SLC4A11: variants seen among roughly 807,000 people sequenced by gnomAD.
SLC4A11 encodes the protein bicarbonate transporter related protein 1.
SLC4A11 carries 74 observed loss-of-function variants against 95.0 expected under a neutral mutation model. That is an observed-to-expected ratio of 0.78 (90% confidence interval 0.65 to 0.95). The LOEUF (loss-of-function observed/expected upper bound fraction) is 0.95. SLC4A11 is among the 40% of genes least tolerant of loss of function. SLC4A11 has a pLI of 0.00. For synonymous variants in SLC4A11, 548 were observed against 519.0 expected, an observed-to-expected ratio of 1.06 and a Z score of -0.76; for missense variants, 1,081 against 1,192.4, an observed-to-expected ratio of 0.91 and a Z score of 1.38.
intron 19 of SLC4A11, 106 bp downstream of exon 19, chr20:3,228,153 C>CCCAAA: frequency 9.8e-7 from 1 of 1,017,544 alleles, no homozygotes; most frequent in Non-Finnish European, 1.5e-6. Flanking sequence ...CCAACCCGCC[C>CCCAAA]ATTCTCCGCC....
rs957260205 is a variant in SLC4A11, at chr20:3,234,243, G to C, written c.363C>G (p.Ala121=). ...HRDLDGFLAQ[A]SIVLNETATS... ...TGGCCGTCTCGTTCAGGACGATGCT[G>C]GCCTGCGCCAGGAAGCCATCTAGGT... is the stretch of plus-strand genomic sequence containing the variant. Residue 121 remains alanine, a synonymous_variant, in exon 5 of 20, where the codon GCC becomes GCG. Coordinates refer to ENST00000642402, the MANE Select transcript of SLC4A11 (RefSeq NM_001174089.2). This position sits in a 1 kb window ranked among gnomAD's most constrained non-coding sequence, Gnocchi z 5.8. 1.2e-6 allele frequency: 2 copies of C among 1,614,088 alleles called. No homozygotes were observed. The highest frequency in any genetic ancestry group is 2.7e-5 in the African/African-American group (2 of 75,054).
chr20:3,235,032 G>A (rs1192299224), intron 2 of SLC4A11, 138 bp from the exon 3 acceptor site: 1 of 1,019,538 alleles, frequency 9.8e-7, no homozygotes, highest in Admixed American at 2.0e-5. Flanking sequence ...CCATAGGCGA[G>A]GAAGGCAGCT....
chr20:3,231,050 CAAT>C lies in SLC4A11; in HGVS notation c.1048_1050del (p.Ile350del). 1 of 1,613,304 alleles carries C rather than the reference CAAT, an allele frequency of 6.2e-7. No individual in the cohort carries two copies. The highest frequency in any genetic ancestry group is 8.5e-7 in the Non-Finnish European group (1 of 1,179,992). On this transcript the variant is annotated inframe_deletion, in exon 10 of 20. Coordinates refer to ENST00000642402, the MANE Select transcript of SLC4A11 (RefSeq NM_001174089.2). This position sits in a 1 kb window ranked among gnomAD's most constrained non-coding sequence, Gnocchi z 5.2. Reference sequence around the variant, plus strand: ...TATTTGCCCACAGCCTTGTTTTTCCCAATAATGCCTAGGAATGGGGGATGGGAG... The same window carrying C: ...TATTTGCCCACAGCCTTGTTTTTCCCAATGCCTAGGAATGGGGGATGGGAG...
In SLC4A11 at chr20:3,227,766, G is replaced by A; in HGVS notation, c.*21C>T. On this transcript the variant is annotated 3_prime_UTR_variant, in exon 20 of 20. Transcript: ENST00000642402. ...GAGGACGTGGAGGGCTGGCGAATGGGGCGTGGGCAGGGTCTGCCAGTCAAG... is the reference window on the plus strand; with the variant it reads ...GAGGACGTGGAGGGCTGGCGAATGGAGCGTGGGCAGGGTCTGCCAGTCAAG... 1 of 1,611,954 alleles carries A rather than the reference G, an allele frequency of 6.2e-7. No individual in the cohort carries two copies. Among genetic ancestry groups the A allele is most frequent in the South Asian group, 1.1e-5 (1 of 91,048 alleles).
chr20:3,230,478 C>T, intron 12 of SLC4A11, 37 bp downstream of exon 12: 1 of 1,613,362 alleles, frequency 6.2e-7, no homozygotes, highest in Non-Finnish European at 8.5e-7. Context: ...GATCCCAAGC[C>T]TTGAGGGTCC....
chr20:3,234,526 C>G lies in SLC4A11; in HGVS notation c.291+42G>C. The G allele has an allele frequency of 6.2e-7, 1 of 1,612,946 alleles. No individual in the cohort carries two copies. Among genetic ancestry groups the G allele is most frequent in the Non-Finnish European group, 8.5e-7 (1 of 1,179,518 alleles). On this transcript the variant is annotated intron_variant, in intron 4 of 19. Transcript: ENST00000642402. This position sits in a 1 kb window ranked among gnomAD's most constrained non-coding sequence, Gnocchi z 5.8. ...TCAGGGAAGCCATCACCTCAGCCCC[C>G]AGGTAGAGGCCCCAGGACCACCTGC...
In SLC4A11 at chr20:3,238,570, G is replaced by C. The variant is rs897931931; in HGVS notation, c.43+525C>G. On this transcript the variant is annotated intron_variant, in intron 1 of 19. Transcript: ENST00000642402. ...AACCTGGGTCCTGGCGGGGACCCAG[G>C]GCTGGCCCTCCCGTGTCAGAGCAAG... 5.0e-5 allele frequency: 50 copies of C among 990,940 alleles called. No homozygotes were observed. In the African/African-American group the frequency reaches 7.3e-4, roughly 14 times the overall value. The allele number at this position is 990,940 out of a possible 1,614,324, so 61.4% of individuals were successfully genotyped here.
At chr20:3,236,449 T>C (rs776475135) in intron 2 of SLC4A11, among the ~76,000 whole-genome samples, 1 of 151,726 alleles carries the variant, frequency 6.6e-6, no homozygotes, top group Non-Finnish European at 1.5e-5. Context: ...ATTAGCCGGG[T>C]GTGGTGGCGG....
rs199634796 is a variant in SLC4A11, at chr20:3,228,560, G to A, written c.2340C>T (p.Leu780=). The A allele has an allele frequency of 8.7e-5, 140 of 1,613,214 alleles. No individual in the cohort carries two copies. The East Asian group carries it at 1.8e-3, about 21-fold the overall frequency. ...CGCGCTGGACGAGCTGGTTGCCATC[G>A]AGGGAGGTGAGCGCGATGTAGAGGA... ...GLFLYIALTS[L]DGNQLVQRVA... is the part of the protein sequence containing the mutation. Residue 780 remains leucine (L), a synonymous_variant, in exon 18 of 20, where the codon CTC becomes CTT. Coordinates refer to ENST00000642402, the MANE Select transcript of SLC4A11 (RefSeq NM_001174089.2).
chr20:3,232,871 C>CCACACAG (rs1365699413), intron 7 of SLC4A11, among the ~76,000 whole-genome samples: 2 of 152,224 alleles, frequency 1.3e-5, no homozygotes, highest in African/African-American at 4.8e-5. Context: ...TGTGGGCACC[C>CCACACAG]TGCTGGGGGC....
At chr20:3,238,302 G>A (rs1874707699) in intron 1 of SLC4A11, 1 of 1,200,988 alleles carries the variant, frequency 8.3e-7, no homozygotes, top group South Asian at 3.4e-5. Flanking sequence ...GCTGTCGGAG[G>A]AAGGAAGCGA....
chr20:3,230,287 G>C (rs776465360), intron 12 of SLC4A11, 27 bp from the exon 13 acceptor site: 1 of 1,612,822 alleles, frequency 6.2e-7, no homozygotes, highest in African/African-American at 1.3e-5. Flanking sequence ...AGCCTCATCA[G>C]AGTGGGTGTG....
chr20:3,237,748 G>T, intron 1 of SLC4A11, 160 bp from the exon 2 acceptor site: 1 of 1,613,422 alleles, frequency 6.2e-7, no homozygotes, highest in Non-Finnish European at 8.5e-7. Context: ...GACAGTGCTC[G>T]GGAGGGGGCC....
At chr20:3,229,886 C>A (rs2067695225) in intron 13 of SLC4A11, 110 bp from the exon 14 acceptor site, 2 of 1,475,396 alleles carry the variant, frequency 1.4e-6, no homozygotes, top group African/African-American at 1.4e-5. Flanking sequence ...GTGAGGGGAC[C>A]CTGCCGACGT....
At position 3,234,414 on chromosome 20, in the gene SLC4A11, GCC is replaced by G; in HGVS notation, c.292-102_292-101del. ...GCCAGCCGCAGCAGTCCAGCCCCCA[GCC>G]CCCAGCCCCCAGCCCTGGGCTGGTG... On this transcript the variant is annotated intron_variant, in intron 4 of 19. Transcript: ENST00000642402. This position sits in a 1 kb window ranked among gnomAD's most constrained non-coding sequence, Gnocchi z 5.8. 1 of 1,477,710 alleles carries G rather than the reference GCC, an allele frequency of 6.8e-7. No individual in the cohort carries two copies. The highest frequency in any genetic ancestry group is 9.4e-7 in the Non-Finnish European group (1 of 1,067,500). 91.5% of individuals were successfully genotyped at this position (1,477,710 alleles called of 1,614,324 possible).
At position 3,231,085 on chromosome 20, in the gene SLC4A11, T is replaced by C. The variant is rs1217008375; in HGVS notation, c.1043-27A>G. The C allele has an allele frequency of 3.1e-6, 5 of 1,613,584 alleles. No individual in the cohort carries two copies. The highest frequency in any genetic ancestry group is 1.6e-4 in the Middle Eastern group (1 of 6,084). On this transcript the variant is annotated intron_variant, in intron 9 of 19. Transcript: ENST00000642402. This position sits in a 1 kb window ranked among gnomAD's most constrained non-coding sequence, Gnocchi z 5.2. ...TAGGAATGGGGGATGGGAGAGAGGG[T>C]TTGCTGGGGATGCAGGACAGGCACA...
At chr20:3,239,421 C>T (rs1661924558), upstream of SLC4A11, 12 of 1,071,148 alleles carry the variant, frequency 1.1e-5, 1 homozygote, top group South Asian at 4.5e-4. Flanking sequence ...CGAGTAGACC[C>T]GGCTCCTTCG....
intron 2 of SLC4A11, among the ~76,000 whole-genome samples, chr20:3,235,350 CACA>C (rs2067946847): frequency 4.8e-5 from 7 of 145,878 alleles, no homozygotes; most frequent in Non-Finnish European, 1.1e-4. Context: ...CACACACACA[CACA>C]CGCTGCCTTG....
At chr20:3,228,079 G>A (rs1266690213) in intron 19 of SLC4A11, among the ~76,000 whole-genome samples, 180 bp downstream of exon 19, 4 of 108,848 alleles carry the variant, frequency 3.7e-5, no homozygotes, top group South Asian at 3.9e-4. Flanking sequence ...CCTCCTGCCC[G>A]CCAGCCTCCC....
Sources: gnomAD v4.1 joint callset for allele counts (sites outside exome capture counted in the v4.1 genomes callset) on GRCh38, gnomAD v4.1.1 for gene constraint, Gnocchi (gnomAD v3.1) non-coding constraint, MANE v1.5 for transcripts, NCBI Gene and HGNC (gene_info 2026-07-23, HGNC 2026-07-21) for gene names.